Variants in FLCN observed in about 807,000 individuals in gnomAD.
The protein encoded by FLCN is BHD skin lesion fibrofolliculoma protein.
A neutral mutation model predicts 62.5 loss-of-function variants in FLCN; 22 were observed. The observed-to-expected ratio is 0.35, with a 90% CI of 0.25 to 0.50. The LOEUF is 0.50. Among genes scored for constraint, FLCN ranks in the 20% least tolerant of loss-of-function variants. The probability of loss-of-function intolerance (pLI) is 0.97; values close to 1 mark genes in which losing one functional copy is unlikely to be tolerated. For synonymous variants in FLCN, 319 were observed against 310.0 expected, an observed-to-expected ratio of 1.03 and a Z score of -0.30; for missense variants, 657 against 778.0, an observed-to-expected ratio of 0.84 and a Z score of 1.85.
chr17:17,227,752 A>C, intron 4 of FLCN, 137 bp downstream of exon 4: 1 of 1,219,602 alleles, frequency 8.2e-7, no homozygotes, highest in East Asian at 2.4e-5. Context: ...TACAGTCAGG[A>C]TGAGCGGAAA....
intron 3 of FLCN, among the ~76,000 whole-genome samples, chr17:17,230,502 C>T (rs987493228): frequency 1.3e-5 from 2 of 151,482 alleles, no homozygotes; most frequent in Non-Finnish European, 2.9e-5. Flanking sequence ...GGCACTCGAG[C>T]CTGGGCAACA....
intron 9 of FLCN, among the ~76,000 whole-genome samples, chr17:17,218,432 T>C (rs2046988425): frequency 6.7e-6 from 1 of 149,694 alleles, no homozygotes; most frequent in South Asian, 2.1e-4. Context: ...GTCACCAGTC[T>C]GGAGTGCAGT....
chr17:17,216,122 G>A lies in FLCN; in HGVS notation c.1300+258C>T, dbSNP rs2046911618. Among the ~76,000 whole-genome samples, 1 of 152,128 alleles carries A rather than the reference G, an allele frequency of 6.6e-6. No individual in the cohort carries two copies. The highest frequency in any genetic ancestry group is 1.5e-5 in the Non-Finnish European group (1 of 68,008). ...GGACGACCAGGATCCTCCGGCCAGG[G>A]ACACATCCTCCCACCCCACGATGGT... On this transcript the variant is annotated intron_variant, in intron 11 of 13. Transcript: ENST00000285071. The surrounding 1 kb of genome is among the most constrained non-coding windows in gnomAD (Gnocchi z 4.0).
chr17:17,236,507 T>C (rs1423219595), intron 1 of FLCN, among the ~76,000 whole-genome samples: 2 of 152,186 alleles, frequency 1.3e-5, no homozygotes, highest in African/African-American at 4.8e-5. Flanking sequence ...CAATCCATTC[T>C]TTCCAGGAGA....
Position 17,224,022 on chromosome 17 carries a change from A to C in FLCN, c.518T>G (p.Ile173Ser). Residue 173 changes from isoleucine (I) to serine (S), a missense_variant, in exon 6 of 14, where the codon ATC (isoleucine) becomes AGC (serine). Coordinates refer to ENST00000285071, the MANE Select transcript of FLCN (RefSeq NM_144997.7). ...ARGFQRWYSI[I>S]TIMMDRIYLI... is the part of the protein sequence containing the mutation. ...GTAGATCCGGTCCATCATGATGGTGATGATGCTGTACCAGCGCTGGAAGCC... is the reference window on the plus strand; with the variant it reads ...GTAGATCCGGTCCATCATGATGGTGCTGATGCTGTACCAGCGCTGGAAGCC... 1 of 1,613,820 alleles carries C rather than the reference A, an allele frequency of 6.2e-7. No homozygotes were observed. Among genetic ancestry groups the C allele is most frequent in the African/African-American group, 1.3e-5 (1 of 75,056 alleles).
chr17:17,217,125 C>G lies in FLCN; in HGVS notation c.1120G>C (p.Val374Leu), dbSNP rs1270035315. Reference sequence around the variant, plus strand: ...TCCACGTCTCTGCTTTTCCAGATCACCTGGTTCCCCATGAGAACGTGCCAG... The same window carrying G: ...TCCACGTCTCTGCTTTTCCAGATCAGCTGGTTCCCCATGAGAACGTGCCAG... ...LAWHVLMGNQ[V>L]IWKSRDVDLV... Residue 374 changes from valine (V) to leucine (L), a missense_variant, in exon 10 of 14, where the codon GTG (valine) becomes CTG (leucine). Coordinates refer to ENST00000285071, the MANE Select transcript of FLCN (RefSeq NM_144997.7). The G allele has an allele frequency of 6.2e-7, 1 of 1,614,152 alleles. No homozygotes were observed. The highest frequency in any genetic ancestry group is 8.5e-7 in the Non-Finnish European group (1 of 1,180,046).
At chr17:17,217,532 C>T (rs757536429) in intron 9 of FLCN, 16 of 364,808 alleles carry the variant, frequency 4.4e-5, no homozygotes, top group East Asian at 6.9e-5. Context: ...GTAGGGCCCT[C>T]GACATGGCAG....
At chr17:17,234,980 C>T (rs887064936) in intron 1 of FLCN, among the ~76,000 whole-genome samples, 3 of 152,038 alleles carry the variant, frequency 2.0e-5, no homozygotes, top group Admixed American at 6.5e-5. Flanking sequence ...GGCATGGTGG[C>T]GGGGGCCTGT....
intron 6 of FLCN, chr17:17,222,934 CG>C: frequency 2.1e-6 from 1 of 481,350 alleles, no homozygotes; most frequent in Non-Finnish European, 3.9e-6. Flanking sequence ...GGGGGATTCT[CG>C]TGAGTGGCCA....
intron 4 of FLCN, among the ~76,000 whole-genome samples, chr17:17,227,334 G>A (rs776629372): frequency 6.6e-6 from 1 of 151,924 alleles, no homozygotes; most frequent in Non-Finnish European, 1.5e-5. Flanking sequence ...CTGGGAGCAC[G>A]GGACTTTGGG....
At position 17,212,957 on chromosome 17, in the gene FLCN, G is replaced by A. The variant is rs1220232402; in HGVS notation, c.*698C>T. 1 of 236,528 alleles carries A rather than the reference G, an allele frequency of 4.2e-6. No individual in the cohort carries two copies. The highest frequency in any genetic ancestry group is 8.3e-6 in the Non-Finnish European group (1 of 119,958). 14.7% of individuals were successfully genotyped at this position (236,528 alleles called of 1,614,324 possible). A position where few individuals can be genotyped will look rare whatever the true frequency, so the allele number is the denominator to read the frequency against. ...AGGGGATTGGGCAAGTCAGATGCTT[G>A]CCGACCCCTCAGCAACCTGTCTTGT... is the stretch of plus-strand genomic sequence containing the variant. On this transcript the variant is annotated 3_prime_UTR_variant, in exon 14 of 14. Transcript: ENST00000285071.
At position 17,215,230 on chromosome 17, in the gene FLCN, A is replaced by G. The variant is rs770077517; in HGVS notation, c.1387T>C (p.Tyr463His). The G allele has an allele frequency of 3.3e-5, 53 of 1,614,188 alleles. No homozygotes were observed. In the Middle Eastern group the frequency reaches 1.2e-3, roughly 35 times the overall value. ...CTCCCACTGGTCACCACAAACTCGTACTTGCTGAGAGACTGGTCATCCTCA... is the reference window on the plus strand; with the variant it reads ...CTCCCACTGGTCACCACAAACTCGTGCTTGCTGAGAGACTGGTCATCCTCA... Reference protein sequence around the residue: ...GCEDDQSLSKYEFVVTSGSPV... With the variant: ...GCEDDQSLSKHEFVVTSGSPV... The change falls in exon 12 of 14, where the codon TAC becomes CAC. Residue 463 changes from tyrosine (Y) to histidine (H), a missense_variant. By Grantham distance (83) the Tyr-to-His change is moderately conservative. Coordinates refer to ENST00000285071, the MANE Select transcript of FLCN (RefSeq NM_144997.7).
rs760707970 is a variant in FLCN, at chr17:17,216,834, T to C, written c.1176+235A>G. On this transcript the variant is annotated intron_variant, in intron 10 of 13. Coordinates refer to ENST00000285071, the MANE Select transcript of FLCN (RefSeq NM_144997.7). The surrounding 1 kb of genome is among the most constrained non-coding windows in gnomAD (Gnocchi z 4.0). ...AAGCTTTTACCAAGACTGTGTCATA[T>C]GCATTTTTGTTCCCTCTCAGGCCTG... 48 of 614,744 alleles carry C rather than the reference T, an allele frequency of 7.8e-5. No homozygotes were observed. Among genetic ancestry groups the C allele is most frequent in the Non-Finnish European group, 1.2e-4 (43 of 344,136 alleles). 38.1% of individuals were successfully genotyped at this position (614,744 alleles called of 1,614,324 possible).
In FLCN at chr17:17,219,049, T is replaced by A. The variant is rs1024543826; in HGVS notation, c.1032A>T (p.Pro344=). The A allele has an allele frequency of 1.2e-6, 2 of 1,613,868 alleles. No homozygotes were observed. Among genetic ancestry groups the A allele is most frequent in the Non-Finnish European group, 1.7e-6 (2 of 1,179,912 alleles). Reference sequence around the variant, plus strand: ...TCATGTGCCGGAGGGACTTGAAGACTGGCAGCTTCCGGGGCTGCCAGCTCC... The same window carrying A: ...TCATGTGCCGGAGGGACTTGAAGACAGGCAGCTTCCGGGGCTGCCAGCTCC... ...GCGSWQPRKL[P]VFKSLRHMRQ... is the part of the protein sequence containing the mutation. Residue 344 remains proline (P), a synonymous_variant, in exon 9 of 14, where the codon CCA becomes CCT. Coordinates refer to ENST00000285071, the MANE Select transcript of FLCN (RefSeq NM_144997.7).
chr17:17,231,348 C>G (rs978832593), intron 3 of FLCN, among the ~76,000 whole-genome samples: 1 of 152,162 alleles, frequency 6.6e-6, no homozygotes, highest in African/African-American at 2.4e-5. Flanking sequence ...TTCTGCCTTC[C>G]CAGAAAGCCC....
chr17:17,223,543 A>ACCTGG (rs559063514), intron 6 of FLCN, among the ~76,000 whole-genome samples: 8 of 152,338 alleles, frequency 5.3e-5, no homozygotes, highest in South Asian at 2.1e-4. Flanking sequence ...CCAGAGCACG[A>ACCTGG]CCTGGCCTGG....
intron 12 of FLCN, 34 bp downstream of exon 12, chr17:17,215,151 T>A: frequency 6.2e-7 from 1 of 1,613,934 alleles, no homozygotes; most frequent in Non-Finnish European, 8.5e-7. Context: ...GGGCATCTTC[T>A]CACAAAAAGG....
intron 8 of FLCN, chr17:17,221,178 G>C: frequency 6.8e-7 from 1 of 1,478,482 alleles, no homozygotes; most frequent in Non-Finnish European, 9.0e-7. Flanking sequence ...AACTGAAACA[G>C]AACACTTTAT....
intron 4 of FLCN, among the ~76,000 whole-genome samples, chr17:17,227,146 G>C (rs564662190): frequency 1.5e-4 from 23 of 152,284 alleles, no homozygotes; most frequent in African/African-American, 5.5e-4. Context: ...ACAAGCTTGG[G>C]TTCCCGTTTG....
Sources: allele counts gnomAD v4.1 joint callset (sites outside exome capture counted in the v4.1 genomes callset), GRCh38; gene constraint gnomAD v4.1.1; non-coding constraint Gnocchi (gnomAD v3.1); transcripts MANE v1.5; gene names NCBI Gene and HGNC (gene_info 2026-07-23, HGNC 2026-07-21).